Variants in CSMD2 observed in about 807,000 individuals in gnomAD.
CSMD2 encodes CUB and sushi domain-containing protein 2.
CSMD2 carries 130 observed loss-of-function variants against 398.5 expected under a neutral mutation model. The ratio of observed to expected loss-of-function variants is 0.33; its 90% confidence interval spans 0.28 to 0.38. CSMD2 has a LOEUF of 0.38. Among genes scored for constraint, CSMD2 ranks in the 10% least tolerant of loss-of-function variants. CSMD2 has a pLI of 1.00. For synonymous variants in CSMD2, 1,828 were observed against 1,908.5 expected, an observed-to-expected ratio of 0.96 and a Z score of 1.10; for missense variants, 3,829 against 4,764.9, an observed-to-expected ratio of 0.80 and a Z score of 5.78.
chr1:34,042,224 A>G (rs950621653), intron 2 of CSMD2, among the ~76,000 whole-genome samples: 1 of 152,250 alleles, frequency 6.6e-6, no homozygotes, highest in African/African-American at 2.4e-5. Context: ...GCTTTGTCCA[A>G]ATGTCTTCCA....
intron 15 of CSMD2, among the ~76,000 whole-genome samples, chr1:33,735,270 G>C (rs1646848948): frequency 2.0e-5 from 3 of 152,188 alleles, no homozygotes; most frequent in African/African-American, 7.2e-5. Flanking sequence ...CTGTGTCCTA[G>C]CAGGGACAAT....
In CSMD2 at chr1:33,737,680, C is replaced by T. The variant is rs117152268; in HGVS notation, c.2368+1460G>A. ...GGAGGCCTTTCATTGATATGCGTCT[C>T]ATTAGGGAGGCTCTAGCCTAGTTAA... On this transcript the variant is annotated intron_variant, in intron 15 of 70. Coordinates refer to ENST00000373381, the MANE Select transcript of CSMD2 (RefSeq NM_001281956.2). 7.6e-4 allele frequency among the ~76,000 whole-genome samples: 116 copies of T among 152,240 alleles called. 1 individual carries two copies. The East Asian group carries it at 0.019, about 25-fold the overall frequency.
At chr1:34,030,545 G>T (rs1224873930) in intron 3 of CSMD2, among the ~76,000 whole-genome samples, 1 of 152,150 alleles carries the variant, frequency 6.6e-6, no homozygotes, top group Non-Finnish European at 1.5e-5. Context: ...CAGAATTTTT[G>T]TCTCTAATGT....
At chr1:33,939,253 C>A (rs898891255) in intron 3 of CSMD2, among the ~76,000 whole-genome samples, 7 of 152,036 alleles carry the variant, frequency 4.6e-5, no homozygotes, top group African/African-American at 1.7e-4. Context: ...TATTTAGCAT[C>A]TTCTATGATC....
chr1:33,890,875 C>T (rs368314443), intron 5 of CSMD2, among the ~76,000 whole-genome samples: 1 of 152,126 alleles, frequency 6.6e-6, no homozygotes, highest in Non-Finnish European at 1.5e-5. Context: ...CCCTTCCTTA[C>T]ACCTTATACA....
intron 2 of CSMD2, among the ~76,000 whole-genome samples, chr1:34,048,674 C>T (rs755948824): frequency 3.3e-5 from 5 of 152,138 alleles, no homozygotes; most frequent in Admixed American, 6.5e-5. Flanking sequence ...TCCTGTTGGC[C>T]GCCAGAGCTG....
At chr1:34,155,383 A>G (rs1430634536) in intron 1 of CSMD2, among the ~76,000 whole-genome samples, 1 of 152,106 alleles carries the variant, frequency 6.6e-6, no homozygotes, top group Non-Finnish European at 1.5e-5. Context: ...TCCTCTTGCT[A>G]TAGTTAAAGG....
At chr1:33,858,905 T>C (rs978742632) in intron 5 of CSMD2, among the ~76,000 whole-genome samples, 1 of 152,206 alleles carries the variant, frequency 6.6e-6, no homozygotes, top group African/African-American at 2.4e-5. Flanking sequence ...GCTAAGTGAA[T>C]TAGTGAATTA....
At chr1:33,663,401 G>A (rs187718122) in intron 25 of CSMD2, among the ~76,000 whole-genome samples, 34 of 152,090 alleles carry the variant, frequency 2.2e-4, no homozygotes, top group African/African-American at 8.0e-4. Context: ...TACATAGCCC[G>A]CAGACCTCTC....
intron 3 of CSMD2, among the ~76,000 whole-genome samples, chr1:34,013,022 C>A (rs1045618139): frequency 3.3e-5 from 5 of 152,292 alleles, no homozygotes; most frequent in Admixed American, 2.6e-4. Flanking sequence ...AGAAGCCCAA[C>A]ACTAAGCCCA....
intron 3 of CSMD2, among the ~76,000 whole-genome samples, chr1:34,019,596 C>G (rs1172844943): frequency 1.3e-5 from 2 of 152,176 alleles, no homozygotes; most frequent in Non-Finnish European, 2.9e-5. Context: ...CAGAAACATT[C>G]TATGCTCGAC....
At position 33,941,732 on chromosome 1, in the gene CSMD2, C is replaced by T. The variant is rs192817860; in HGVS notation, c.518-5778G>A. ...TCATAGCATACTTACTCTGTGCTAT[C>T]CTTAATGTCAAGTGCTTTTCATATA... On this transcript the variant is annotated intron_variant, in intron 3 of 70. Transcript: ENST00000373381. Among the ~76,000 whole-genome samples the T allele has an allele frequency of 1.5e-4, 23 of 152,272 alleles. 1 individual carries two copies. The highest frequency in any genetic ancestry group is 1.1e-3 in the Admixed American group (17 of 15,296).
chr1:33,835,776 C>T (rs1660173271), intron 6 of CSMD2, among the ~76,000 whole-genome samples: 1 of 143,452 alleles, frequency 7.0e-6, no homozygotes, highest in Non-Finnish European at 1.5e-5. Context: ...AATCTTTTTT[C>T]AAGGTTTTTA....
intron 57 of CSMD2, among the ~76,000 whole-genome samples, chr1:33,543,440 T>C (rs914829841): frequency 1.3e-5 from 2 of 152,268 alleles, no homozygotes; most frequent in African/African-American, 4.8e-5. Context: ...CTATCCCCTG[T>C]AGTTCCTTCC....
chr1:34,164,819 G>C lies in CSMD2; in HGVS notation c.187+92C>G, dbSNP rs1410044575. On this transcript the variant is annotated intron_variant, in intron 1 of 70. Transcript: ENST00000373381. The surrounding 1 kb of genome is among the most constrained non-coding windows in gnomAD (Gnocchi z 6.2). ...AGATTCAGGCAGGGATAGAGGCGGG[G>C]GGAGGGACTGGGACCGGGTCGAGGA... The C allele has an allele frequency of 9.3e-7, 1 of 1,073,590 alleles. No individual in the cohort carries two copies. Among genetic ancestry groups the C allele is most frequent in the African/African-American group, 1.7e-5 (1 of 60,052 alleles). The allele number at this position is 1,073,590 out of a possible 1,614,324, so 66.5% of individuals were successfully genotyped here. A position where few individuals can be genotyped will look rare whatever the true frequency, so the allele number is the denominator to read the frequency against.
chr1:33,844,684 C>G (rs1292673698), intron 6 of CSMD2, among the ~76,000 whole-genome samples: 1 of 152,220 alleles, frequency 6.6e-6, no homozygotes, highest in Admixed American at 6.5e-5. Context: ...TAGTTACCCT[C>G]TCTATGACTC....
chr1:33,855,705 T>C (rs1316584452), intron 5 of CSMD2, among the ~76,000 whole-genome samples: 2 of 152,158 alleles, frequency 1.3e-5, no homozygotes, highest in African/African-American at 2.4e-5. Context: ...AAGGCAGTCC[T>C]GAGGACTGGC....
upstream of CSMD2, chr1:34,165,774 C>A (rs777263781): frequency 3.7e-6 from 6 of 1,613,946 alleles, no homozygotes; most frequent in African/African-American, 8.0e-5. Flanking sequence ...TGGCTTTGAA[C>A]TTGCCATCTA....
At chr1:34,033,625 T>C (rs1015918620) in intron 2 of CSMD2, among the ~76,000 whole-genome samples, 2 of 152,190 alleles carry the variant, frequency 1.3e-5, no homozygotes, top group African/African-American at 4.8e-5. Flanking sequence ...CCTTTGTCCT[T>C]AACCCCCTCT....
Sources: allele counts gnomAD v4.1 joint callset (sites outside exome capture counted in the v4.1 genomes callset), GRCh38; gene constraint gnomAD v4.1.1; non-coding constraint Gnocchi (gnomAD v3.1); transcripts MANE v1.5; gene names NCBI Gene and HGNC (gene_info 2026-07-23, HGNC 2026-07-21).